The following EPHA6 variants were observed in gnomAD, a reference collection of about 807,000 sequenced individuals.
The protein encoded by EPHA6 is ephrin type-A receptor 6.
In EPHA6, 50 loss-of-function variants were observed where a neutral mutation model predicts 112.0. The observed-to-expected ratio is 0.45, with a 90% CI of 0.36 to 0.56. The LOEUF (loss-of-function observed/expected upper bound fraction) is 0.56. EPHA6 is among the 20% of genes least tolerant of loss of function. The pLI, the probability that EPHA6 is intolerant of heterozygous loss-of-function variation, is 0.00. For synonymous variants in EPHA6, 529 were observed against 490.7 expected, an observed-to-expected ratio of 1.08 and a Z score of -1.03; for missense variants, 1,280 against 1,417.4, an observed-to-expected ratio of 0.90 and a Z score of 1.56.
At chr3:97,718,841 A>G (rs979975877) in intron 14 of EPHA6, among the ~76,000 whole-genome samples, 1 of 152,140 alleles carries the variant, frequency 6.6e-6, no homozygotes, top group East Asian at 1.9e-4. Flanking sequence ...ACATCATATG[A>G]CAGCATTAAT....
At chr3:97,170,642 C>G (rs2076673687) in intron 3 of EPHA6, among the ~76,000 whole-genome samples, 1 of 151,974 alleles carries the variant, frequency 6.6e-6, no homozygotes, top group African/African-American at 2.4e-5. Context: ...GAGGCTGAGG[C>G]AGGAGAATTG....
At chr3:97,031,424 A>T (rs2044836299) in intron 3 of EPHA6, among the ~76,000 whole-genome samples, 1 of 152,170 alleles carries the variant, frequency 6.6e-6, no homozygotes, top group Non-Finnish European at 1.5e-5. Flanking sequence ...AGCAATGGCA[A>T]CAAAAGCCAA....
intron 4 of EPHA6, among the ~76,000 whole-genome samples, chr3:97,226,831 G>A (rs868569094): frequency 2.3e-4 from 35 of 152,230 alleles, no homozygotes; most frequent in African/African-American, 8.2e-4. Flanking sequence ...AGATTCCAGA[G>A]GAAACTTTAA....
intron 6 of EPHA6, among the ~76,000 whole-genome samples, chr3:97,409,462 C>A (rs144133969): frequency 7.2e-5 from 11 of 152,210 alleles, no homozygotes; most frequent in Non-Finnish European, 1.2e-4. Flanking sequence ...GGTTAAGTAT[C>A]TTTACCAAAA....
chr3:97,452,677 G>A (rs2090565729), intron 7 of EPHA6, among the ~76,000 whole-genome samples: 1 of 151,556 alleles, frequency 6.6e-6, no homozygotes, highest in African/African-American at 2.4e-5. Context: ...TTGGGAGATA[G>A]TTGGAAATTA....
chr3:97,294,557 G>A (rs1381739446), intron 5 of EPHA6, among the ~76,000 whole-genome samples: 4 of 151,966 alleles, frequency 2.6e-5, no homozygotes, highest in African/African-American at 9.7e-5. Context: ...CTGTTATTTT[G>A]TTAATTGCCT....
At chr3:97,162,395 A>G (rs921204949) in intron 3 of EPHA6, among the ~76,000 whole-genome samples, 3 of 152,180 alleles carry the variant, frequency 2.0e-5, no homozygotes, top group Non-Finnish European at 4.4e-5. Context: ...GCAATTATGT[A>G]TTCCTGAACT....
rs564127303 is a variant in EPHA6, at chr3:96,822,648, T to A, written c.385+7640T>A. Reference sequence around the variant, plus strand: ...TTTTACTCTTGTAATGTTAGGTATCTATGTGGATATCTGGATAAAAAGTAA... The same window carrying A: ...TTTTACTCTTGTAATGTTAGGTATCAATGTGGATATCTGGATAAAAAGTAA... On this transcript the variant is annotated intron_variant, in intron 1 of 17. Transcript: ENST00000389672. 1.1e-4 allele frequency among the ~76,000 whole-genome samples: 16 copies of A among 151,460 alleles called. No homozygotes were observed. The South Asian group carries it at 3.1e-3, about 29-fold the overall frequency.
chr3:97,397,733 A>C (rs953892039), intron 5 of EPHA6, among the ~76,000 whole-genome samples: 1 of 151,642 alleles, frequency 6.6e-6, no homozygotes, highest in Non-Finnish European at 1.5e-5. Flanking sequence ...AAAGTATTGG[A>C]AATTTCAACA....
chr3:97,127,781 G>A (rs527544963), intron 3 of EPHA6, among the ~76,000 whole-genome samples: 183 of 151,178 alleles, frequency 1.2e-3, no homozygotes, highest in African/African-American at 4.0e-3. Flanking sequence ...AGCTTCCAGC[G>A]TGTCATATTT....
At chr3:97,467,407 C>T (rs2091091614) in intron 7 of EPHA6, among the ~76,000 whole-genome samples, 1 of 151,664 alleles carries the variant, frequency 6.6e-6, no homozygotes, top group Non-Finnish European at 1.5e-5. Context: ...CATTACAAAG[C>T]TCTTTATCTC....
intron 3 of EPHA6, among the ~76,000 whole-genome samples, chr3:97,179,977 G>A (rs1391568562): frequency 6.6e-6 from 1 of 152,034 alleles, no homozygotes; most frequent in Non-Finnish European, 1.5e-5. Context: ...CTTGCCTTAA[G>A]GTTGGCAAGG....
chr3:97,682,484 G>T (rs954870374), intron 14 of EPHA6, among the ~76,000 whole-genome samples: 2 of 151,916 alleles, frequency 1.3e-5, no homozygotes, highest in African/African-American at 2.4e-5. Context: ...ACCTATTGAC[G>T]TAAAGAACAG....
chr3:96,996,344 T>C lies in EPHA6; in HGVS notation c.1114+8351T>C, dbSNP rs548335099. 5.9e-5 allele frequency among the ~76,000 whole-genome samples: 9 copies of C among 152,244 alleles called. No homozygotes were observed. In the East Asian group the frequency reaches 1.2e-3, roughly 20 times the overall value. The stretch of plus-strand genomic sequence containing the variant: ...CCTGTGATTGTTGATTTTTTTTACC[T>C]CCTCCCATGAATCACAGATGTTCTT... On this transcript the variant is annotated intron_variant, in intron 3 of 17. Coordinates refer to ENST00000389672, the MANE Select transcript of EPHA6 (RefSeq NM_001080448.3).
chr3:97,285,645 ATATAT>A (rs1421532905), intron 5 of EPHA6, among the ~76,000 whole-genome samples: 2,687 of 152,218 alleles, frequency 0.018, 70 homozygotes, highest in African/African-American at 0.059. Flanking sequence ...CATTGATTCC[ATATAT>A]TTGCTATTGC....
intron 3 of EPHA6, among the ~76,000 whole-genome samples, chr3:97,015,306 A>T (rs1026754514): frequency 1.2e-4 from 19 of 152,270 alleles, no homozygotes; most frequent in African/African-American, 4.3e-4. Flanking sequence ...ACTTAAAATG[A>T]TTTTGTCCAG....
intron 14 of EPHA6, among the ~76,000 whole-genome samples, chr3:97,663,746 T>A (rs1298189384): frequency 1.3e-5 from 2 of 152,196 alleles, no homozygotes; most frequent in African/African-American, 4.8e-5. Flanking sequence ...GCTGGACATT[T>A]GGGTTGGTTC....
At chr3:97,202,237 A>G (rs995222396) in intron 3 of EPHA6, among the ~76,000 whole-genome samples, 4 of 152,116 alleles carry the variant, frequency 2.6e-5, no homozygotes, top group African/African-American at 9.7e-5. Context: ...TATTTATAGT[A>G]GAGCTACGAG....
intron 3 of EPHA6, among the ~76,000 whole-genome samples, chr3:97,034,549 G>A (rs1337124861): frequency 5.3e-5 from 8 of 151,782 alleles, no homozygotes; most frequent in Admixed American, 5.3e-4. Flanking sequence ...TGTATCCCTT[G>A]CTTAAAGTCA....
Sources: allele counts gnomAD v4.1 joint callset (sites outside exome capture counted in the v4.1 genomes callset), GRCh38; gene constraint gnomAD v4.1.1; transcripts MANE v1.5; gene names NCBI Gene and HGNC (gene_info 2026-07-23, HGNC 2026-07-21).